Variants in TENM3 observed in about 807,000 individuals in gnomAD.
The protein encoded by TENM3 is teneurin transmembrane protein 3.
TENM3 carries 63 observed loss-of-function variants against 255.1 expected under a neutral mutation model. The ratio of observed to expected loss-of-function variants is 0.25; its 90% CI spans 0.20 to 0.30. The LOEUF (loss-of-function observed/expected upper bound fraction) is 0.30, where lower values mean the gene tolerates loss of function less well. Ranked by LOEUF, TENM3 falls within the 10% of genes least tolerant of loss-of-function variation. The probability of loss-of-function intolerance (pLI) is 1.00; values close to 1 mark genes in which losing one functional copy is unlikely to be tolerated. For missense variants in TENM3, 2,929 were observed against 3,461.1 expected (o/e 0.85, Z 3.86); for synonymous variants, 1,306 against 1,322.3 (o/e 0.99, Z 0.27).
At chr4:181,642,113 C>T in the TENM3 span, among the ~76,000 whole-genome samples, 3 of 151,928 alleles carry the variant, frequency 2.0e-5, no homozygotes, top group African/African-American at 7.2e-5. Flanking sequence ...TCCTATTTCT[C>T]CACATCCTCT....
At chr4:181,988,213 C>T in the TENM3 span, among the ~76,000 whole-genome samples, 1 of 152,016 alleles carries the variant, frequency 6.6e-6, no homozygotes, top group South Asian at 2.1e-4. Context: ...TCCCTAATTC[C>T]TTTCACTTGA....
At chr4:182,692,234 A>G (rs1441363270) in intron 12 of TENM3, among the ~76,000 whole-genome samples, 4 of 152,232 alleles carry the variant, frequency 2.6e-5, no homozygotes, top group Non-Finnish European at 5.9e-5. Context: ...TTAGTTGGCC[A>G]TAGATGCAAT....
At chr4:182,579,708 T>C (rs935407216) in intron 3 of TENM3, among the ~76,000 whole-genome samples, 2 of 49,068 alleles carry the variant, frequency 4.1e-5, no homozygotes, top group Admixed American at 5.9e-4. Context: ...AAAACTTCTC[T>C]TTTTTTCCGC....
At chr4:182,736,671 ATTGTCT>A (rs1429966176) in intron 16 of TENM3, 131 bp from the exon 17 acceptor site, 4 of 826,878 alleles carry the variant, frequency 4.8e-6, no homozygotes, top group East Asian at 2.7e-5. Context: ...AAATAAGCAC[ATTGTCT>A]TTGTGAGTAA....
chr4:182,120,186 T>C, the TENM3 span, among the ~76,000 whole-genome samples: 1 of 152,308 alleles, frequency 6.6e-6, no homozygotes, highest in Middle Eastern at 3.4e-3. Flanking sequence ...AACCTTTCTA[T>C]GTTTTGATGT....
chr4:182,772,005 T>C (rs1764273337), intron 22 of TENM3, among the ~76,000 whole-genome samples: 1 of 152,154 alleles, frequency 6.6e-6, no homozygotes, highest in South Asian at 2.1e-4. Flanking sequence ...TGACCGATAC[T>C]GTCCCCACCG....
chr4:182,711,117 A>G (rs1342349304), intron 12 of TENM3, among the ~76,000 whole-genome samples: 1 of 152,194 alleles, frequency 6.6e-6, no homozygotes, highest in Non-Finnish European at 1.5e-5. Flanking sequence ...CCTTTTCCAA[A>G]TATAACATCA....
the TENM3 span, among the ~76,000 whole-genome samples, chr4:181,950,780 C>A: frequency 1.3e-5 from 2 of 152,200 alleles, no homozygotes. Context: ...GTTGCTCATG[C>A]CTGTAATCCC....
intron 5 of TENM3, among the ~76,000 whole-genome samples, chr4:182,630,365 T>G (rs564069499): frequency 1.3e-5 from 2 of 151,998 alleles, no homozygotes; most frequent in East Asian, 3.9e-4. Flanking sequence ...ATCAAGAGAT[T>G]CTCTTCTAGT....
chr4:181,951,783 G>A, the TENM3 span, among the ~76,000 whole-genome samples: 2 of 152,204 alleles, frequency 1.3e-5, no homozygotes, highest in Non-Finnish European at 2.9e-5. Flanking sequence ...ACATGCAACA[G>A]CAAACAAACG....
At chr4:181,580,660 C>G in the TENM3 span, among the ~76,000 whole-genome samples, 20 of 152,036 alleles carry the variant, frequency 1.3e-4, no homozygotes, top group Admixed American at 1.2e-3. Flanking sequence ...AGAGATCGTA[C>G]AGTAATGAGA....
the TENM3 span, among the ~76,000 whole-genome samples, chr4:181,713,814 T>C: frequency 6.6e-6 from 1 of 152,194 alleles, no homozygotes; most frequent in Non-Finnish European, 1.5e-5. Flanking sequence ...TTATTGCCAT[T>C]TTTTGTATTA....
At chr4:182,196,823 A>G (rs1193285154) in intron 1 of TENM3, among the ~76,000 whole-genome samples, 3 of 152,222 alleles carry the variant, frequency 2.0e-5, no homozygotes. Flanking sequence ...TCAGTTTCAC[A>G]TCTCCGTACC....
At chr4:182,021,494 A>C in the TENM3 span, among the ~76,000 whole-genome samples, 1 of 152,162 alleles carries the variant, frequency 6.6e-6, no homozygotes, top group South Asian at 2.1e-4. Context: ...TCCCCCCCAG[A>C]AAACTTTAAA....
the TENM3 span, among the ~76,000 whole-genome samples, chr4:181,490,130 T>C: frequency 3.9e-5 from 6 of 152,218 alleles, no homozygotes; most frequent in Non-Finnish European, 1.5e-5. Flanking sequence ...ATGGGGTATC[T>C]ATCACCTCAA....
At chr4:182,216,925 T>C (rs1755509117) in intron 1 of TENM3, among the ~76,000 whole-genome samples, 1 of 151,792 alleles carries the variant, frequency 6.6e-6, no homozygotes, top group Non-Finnish European at 1.5e-5. Flanking sequence ...GTTTACAGAA[T>C]GCAACTGGCT....
At chr4:181,597,761 T>C in the TENM3 span, among the ~76,000 whole-genome samples, 7 of 152,184 alleles carry the variant, frequency 4.6e-5, no homozygotes, top group African/African-American at 1.7e-4. Context: ...GTCCAAAATG[T>C]TTCTCAGTTT....
chr4:181,567,998 A>G, the TENM3 span, among the ~76,000 whole-genome samples: 1 of 152,128 alleles, frequency 6.6e-6, no homozygotes, highest in South Asian at 2.1e-4. Flanking sequence ...AAAAAAAATC[A>G]TATATTACAT....
chr4:182,603,531 T>C (rs1748098679), intron 4 of TENM3, among the ~76,000 whole-genome samples: 1 of 152,042 alleles, frequency 6.6e-6, no homozygotes, highest in Non-Finnish European at 1.5e-5. Flanking sequence ...TGTGAAAATC[T>C]CACACTGTAC....
Sources: gnomAD v4.1 joint callset for allele counts (sites outside exome capture counted in the v4.1 genomes callset) on GRCh38, gnomAD v4.1.1 for gene constraint, MANE v1.5 for transcripts, NCBI Gene and HGNC (gene_info 2026-07-23, HGNC 2026-07-21) for gene names.